MEF2C: variants seen among roughly 807,000 people sequenced by gnomAD.
MEF2C encodes myocyte enhancer factor 2C, also known as myocyte-specific enhancer factor 2C.
In MEF2C, 6 loss-of-function variants were observed where a neutral mutation model predicts 50.5. The ratio of observed to expected loss-of-function variants is 0.12; its 90% confidence interval spans 0.07 to 0.23. The LOEUF is 0.23. Ranked by LOEUF, MEF2C falls within the 10% of genes least tolerant of loss-of-function variation. The probability of loss-of-function intolerance (pLI) is 1.00; values close to 1 mark genes in which losing one functional copy is unlikely to be tolerated. For missense variants in MEF2C, 276 were observed against 605.0 expected (o/e 0.46, Z 5.70); for synonymous variants, 183 against 228.0 (o/e 0.80, Z 1.78).
chr5:88,815,094 CT>C (rs1241590355), intron 2 of MEF2C, among the ~76,000 whole-genome samples: 1 of 152,028 alleles, frequency 6.6e-6, no homozygotes, highest in Non-Finnish European at 1.5e-5. Context: ...TGTATCTCAT[CT>C]ACATAAGAGA....
At chr5:88,845,713 A>T (rs1021496438) in intron 1 of MEF2C, among the ~76,000 whole-genome samples, 1 of 152,148 alleles carries the variant, frequency 6.6e-6, no homozygotes, top group Non-Finnish European at 1.5e-5. Context: ...ATCTAAATAA[A>T]TTTTAAATGG....
upstream of MEF2C, chr5:88,883,663 G>GCTGCCTTTTTCTCTCCGT (rs1408282258): frequency 2.6e-5 from 4 of 151,782 alleles, no homozygotes. Context: ...TTTGCTTCGC[G>GCTGCCTTTTTCTCTCCGT]CTGCCTTTTT....
chr5:88,866,248 TG>T (rs1426761384), intron 1 of MEF2C, among the ~76,000 whole-genome samples: 2 of 152,236 alleles, frequency 1.3e-5, no homozygotes, highest in African/African-American at 4.8e-5. Context: ...ATAGATTATT[TG>T]CATGCTTGCA....
intron 1 of MEF2C, chr5:88,825,695 T>G (rs759882112): frequency 2.3e-6 from 2 of 871,396 alleles, no homozygotes; most frequent in East Asian, 2.4e-4. Context: ...TGGGGCAACT[T>G]TCCTGTGTTT....
intron 6 of MEF2C, chr5:88,734,561 G>GTTTTTTTTTTTTTTTTTTTTTTTTT (rs1554103551): frequency 2.9e-5 from 7 of 244,238 alleles, no homozygotes; most frequent in Admixed American, 4.1e-4. Flanking sequence ...CTTGAGAAAA[G>GTTTTTTTTTTTTTTTTTTTTTTTTT]TTTGTTTTTT....
At chr5:88,830,848 G>C (rs1212795903) in intron 1 of MEF2C, among the ~76,000 whole-genome samples, 1 of 152,078 alleles carries the variant, frequency 6.6e-6, no homozygotes, top group East Asian at 1.9e-4. Flanking sequence ...TTTAACATCA[G>C]ATTGTGTTCT....
At chr5:88,827,693 T>C (rs1811449930) in intron 1 of MEF2C, among the ~76,000 whole-genome samples, 2 of 151,940 alleles carry the variant, frequency 1.3e-5, no homozygotes, top group South Asian at 4.1e-4. Flanking sequence ...ATAGCAGATA[T>C]ATCTCAGTTA....
At chr5:88,781,445 T>G (rs1377553930) in intron 3 of MEF2C, among the ~76,000 whole-genome samples, 1 of 152,200 alleles carries the variant, frequency 6.6e-6, no homozygotes, top group African/African-American at 2.4e-5. Context: ...CTTCAGAAGC[T>G]GAAGCTTGGT....
intron 5 of MEF2C, chr5:88,751,144 T>C (rs1276462331): frequency 1.0e-6 from 1 of 967,230 alleles, no homozygotes; most frequent in East Asian, 1.1e-4. Flanking sequence ...TAGACATATA[T>C]TAAATACAAT....
chr5:88,777,945 C>T (rs1359316986), intron 3 of MEF2C, among the ~76,000 whole-genome samples: 1 of 125,148 alleles, frequency 8.0e-6, no homozygotes. Context: ...CCCTTTGTCA[C>T]CCAGGCTGGA....
intron 3 of MEF2C, among the ~76,000 whole-genome samples, chr5:88,763,551 TC>T (rs1200705921): frequency 1.3e-5 from 2 of 152,216 alleles, no homozygotes; most frequent in Non-Finnish European, 2.9e-5. Flanking sequence ...CACATATTTT[TC>T]ATTAGAATTC....
intron 1 of MEF2C, among the ~76,000 whole-genome samples, chr5:88,845,979 T>C (rs1350451111): frequency 6.6e-6 from 1 of 152,054 alleles, no homozygotes; most frequent in East Asian, 1.9e-4. Context: ...CTTCTTGATA[T>C]GTACTTTCAG....
At position 88,730,243 on chromosome 5, in the gene MEF2C, A is replaced by G; in HGVS notation, c.811-9T>C. 1 of 1,573,382 alleles carries G rather than the reference A, an allele frequency of 6.4e-7. No homozygotes were observed. Among genetic ancestry groups the G allele is most frequent in the Non-Finnish European group, 8.6e-7 (1 of 1,158,152 alleles). On this transcript the variant is annotated splice_polypyrimidine_tract_variant and intron_variant, in intron 7 of 10. Coordinates refer to ENST00000504921, the MANE Select transcript of MEF2C (RefSeq NM_002397.5). ...AGGTCGACATCCTCAGACTGAGAGCATGCGGAAGGAGTTTTATTAATTAGT... is the reference window on the plus strand; with the variant it reads ...AGGTCGACATCCTCAGACTGAGAGCGTGCGGAAGGAGTTTTATTAATTAGT...
chr5:88,744,087 C>T, intron 6 of MEF2C: 1 of 984,088 alleles, frequency 1.0e-6, no homozygotes, highest in Non-Finnish European at 1.2e-6. Flanking sequence ...GTCCTTTCTA[C>T]TCAATAAAAG....
At chr5:88,733,859 G>A in intron 6 of MEF2C, 1 of 985,348 alleles carries the variant, frequency 1.0e-6, no homozygotes, top group South Asian at 4.7e-5. Flanking sequence ...AATGTTGGTT[G>A]AATCTGAATA....
intron 1 of MEF2C, among the ~76,000 whole-genome samples, chr5:88,846,357 C>T (rs1819351490): frequency 2.0e-5 from 3 of 152,176 alleles, no homozygotes; most frequent in Admixed American, 2.0e-4. Flanking sequence ...CGTGAGCCAC[C>T]ATGCCTGGCC....
intron 1 of MEF2C, among the ~76,000 whole-genome samples, chr5:88,852,182 A>C (rs1052124146): frequency 6.6e-6 from 1 of 152,210 alleles, no homozygotes; most frequent in Non-Finnish European, 1.5e-5. Context: ...TTAGTAACAG[A>C]AAAGATTTAT....
intron 3 of MEF2C, among the ~76,000 whole-genome samples, chr5:88,796,636 T>A (rs997430032): frequency 6.6e-6 from 1 of 152,166 alleles, no homozygotes; most frequent in African/African-American, 2.4e-5. Context: ...TCTCCTTCAG[T>A]TCGGCTCTTA....
chr5:88,804,537 G>A lies in MEF2C; in HGVS notation c.258+61C>T. ...ATGATGTGTGTATGTGTGTGTGGCAGGGGGAGGTCCAAACTCCCCTGCTTG... is the reference window on the plus strand; with the variant it reads ...ATGATGTGTGTATGTGTGTGTGGCAAGGGGAGGTCCAAACTCCCCTGCTTG... On this transcript the variant is annotated intron_variant, in intron 3 of 10. Transcript: ENST00000504921. 2.1e-6 allele frequency: 3 copies of A among 1,455,050 alleles called. 1 individual carries two copies. The South Asian group carries it at 3.5e-5, about 17-fold the overall frequency. 90.1% of individuals were successfully genotyped at this position (1,455,050 alleles called of 1,614,324 possible). A position where few individuals can be genotyped will look rare whatever the true frequency, so the allele number is the denominator to read the frequency against.
Sources: allele counts gnomAD v4.1 joint callset (sites outside exome capture counted in the v4.1 genomes callset), GRCh38; gene constraint gnomAD v4.1.1; transcripts MANE v1.5; gene names NCBI Gene and HGNC (gene_info 2026-07-23, HGNC 2026-07-21).